The following ETAA1 variants were observed in gnomAD, a reference collection of about 807,000 sequenced individuals.
ETAA1 encodes the protein ETAA1 activator of ATR kinase.
A neutral mutation model predicts 76.8 loss-of-function variants in ETAA1; 49 were observed. That is an observed-to-expected ratio of 0.64 (90% CI 0.51 to 0.81). ETAA1 has a LOEUF of 0.81. ETAA1 is among the 30% of genes least tolerant of loss of function. The pLI is 0.00. For synonymous variants in ETAA1, 373 were observed against 372.2 expected (o/e 1.00, Z -0.03); for missense variants, 1,099 against 1,074.0 (o/e 1.02, Z -0.32).
Position 67,410,353 on chromosome 2 carries a change from C to T in ETAA1, c.*315C>T, listed in dbSNP as rs554664053. On this transcript the variant is annotated 3_prime_UTR_variant, in exon 6 of 6. Coordinates refer to ENST00000272342, the MANE Select transcript of ETAA1 (RefSeq NM_019002.4). Reference sequence around the variant, plus strand: ...GGATCATCAAAAAAGAGGTAATCTACGTTATTTCCTATTCTAATGTCTTTT... The same window carrying T: ...GGATCATCAAAAAAGAGGTAATCTATGTTATTTCCTATTCTAATGTCTTTT... 7.2e-5 allele frequency: 14 copies of T among 193,602 alleles called. No individual in the cohort carries two copies. The highest frequency in any genetic ancestry group is 1.0e-4 in the Non-Finnish European group (10 of 96,060). 12.0% of individuals were successfully genotyped at this position (193,602 alleles called of 1,614,324 possible).
Position 67,402,938 on chromosome 2 carries a change from CA to C in ETAA1, c.510del (p.Gly171GlufsTer12). The C allele has an allele frequency of 6.2e-7, 1 of 1,606,182 alleles. No homozygotes were observed. Among genetic ancestry groups the C allele is most frequent in the Non-Finnish European group, 8.5e-7 (1 of 1,176,248 alleles). On this transcript the variant is annotated frameshift_variant, in exon 4 of 6. Transcript: ENST00000272342. LOFTEE classifies it high-confidence loss of function. ...ETAIPCTPSVAKGKSRAKISC... is the reference protein window; with the variant it reads ...ETAIPCTPSVXKGKSRAKISC... ...GCTATTCCTTGTACTCCCAGTGTAG[CA>C]AAAGGAAAATCAAGAGCAAAAATCA...
chr2:67,409,062 T>C (rs1676295291), intron 5 of ETAA1, among the ~76,000 whole-genome samples: 1 of 152,064 alleles, frequency 6.6e-6, no homozygotes, highest in Non-Finnish European at 1.5e-5. Flanking sequence ...CCCCCTCCCA[T>C]TTCTGATTAT....
chr2:67,397,358 G>A lies in ETAA1; in HGVS notation c.-91G>A. The A allele has an allele frequency of 7.5e-7, 1 of 1,341,914 alleles. No homozygotes were observed. Among genetic ancestry groups the A allele is most frequent in the Non-Finnish European group, 1.0e-6 (1 of 959,094 alleles). 83.1% of individuals were successfully genotyped at this position (1,341,914 alleles called of 1,614,324 possible). A position where few individuals can be genotyped will look rare whatever the true frequency, so the allele number is the denominator to read the frequency against. The stretch of plus-strand genomic sequence containing the variant: ...ACCGACCAAAATGGCGGCTGCCGTT[G>A]GTGCGGGGTGCGGTTTGTAGTGCTG... On this transcript the variant is annotated 5_prime_UTR_variant, in exon 1 of 6. Transcript: ENST00000272342.
rs1436576820 is a variant in ETAA1, at chr2:67,399,293, G to C, written c.348G>C (p.Gln116His). 1.2e-6 allele frequency: 2 copies of C among 1,604,438 alleles called. No individual in the cohort carries two copies. The highest frequency in any genetic ancestry group is 2.7e-5 in the African/African-American group (2 of 74,546). The change falls in exon 2 of 6, where the codon CAG (glutamine) becomes CAC (histidine). Residue 116 changes from glutamine to histidine, a missense_variant. By Grantham distance (24) the Gln-to-His change is conservative. This residue lies in a region of ETAA1 where 761 missense variants were observed against 731.9 expected (regional missense o/e 1.04). Coordinates refer to ENST00000272342, the MANE Select transcript of ETAA1 (RefSeq NM_019002.4). ...ATCAGAATTCTCCATTGACAAAGCA[G>C]TTAGGTAATTAATTATTAACATTTT... ...FWDQNSPLTK[Q>H]LGKGRKKQIY...
At position 67,410,290 on chromosome 2, in the gene ETAA1, A is replaced by G; in HGVS notation, c.*252A>G. On this transcript the variant is annotated 3_prime_UTR_variant, in exon 6 of 6. Transcript: ENST00000272342. ...GCAATTATGTACGGATATTATACAG[A>G]GGAAAGTAGTTATATTTTTAAATGC... The G allele has an allele frequency of 3.1e-6, 1 of 324,238 alleles. No individual in the cohort carries two copies. Among genetic ancestry groups the G allele is most frequent in the Non-Finnish European group, 5.5e-6 (1 of 180,222 alleles). 20.1% of individuals were successfully genotyped at this position (324,238 alleles called of 1,614,324 possible).
At chr2:67,402,097 G>T (rs1676073717) in intron 3 of ETAA1, 1 of 151,750 alleles carries the variant, frequency 6.6e-6, no homozygotes, top group Non-Finnish European at 1.5e-5. Context: ...AGTGAAAATG[G>T]TTACTTGATT....
chr2:67,402,700 T>A (rs1676088601), intron 3 of ETAA1, 162 bp from the exon 4 acceptor site: 1 of 350,432 alleles, frequency 2.9e-6, no homozygotes, highest in African/African-American at 2.1e-5. Context: ...ATCTCCCAAC[T>A]TCCTATTGTT....
chr2:67,398,056 C>T (rs1017259372), intron 1 of ETAA1, among the ~76,000 whole-genome samples: 3 of 151,998 alleles, frequency 2.0e-5, no homozygotes, highest in East Asian at 1.9e-4. Flanking sequence ...CCCTTTTTTT[C>T]CCTGTGACCT....
At position 67,410,810 on chromosome 2, in the gene ETAA1, G is replaced by A. The variant is rs1488231211; in HGVS notation, c.*772G>A. 1.3e-5 allele frequency: 2 copies of A among 152,048 alleles called. No individual in the cohort carries two copies. Among genetic ancestry groups the A allele is most frequent in the South Asian group, 4.1e-4 (2 of 4,828 alleles). The allele number at this position is 152,048 out of a possible 1,614,324, so 9.4% of individuals were successfully genotyped here. ...TCAAAGTCATAGGCAAGTTAATGCTGTGCTACAATTAGAATGATTTATTTG... is the reference window on the plus strand; with the variant it reads ...TCAAAGTCATAGGCAAGTTAATGCTATGCTACAATTAGAATGATTTATTTG... On this transcript the variant is annotated 3_prime_UTR_variant, in exon 6 of 6. Coordinates refer to ENST00000272342, the MANE Select transcript of ETAA1 (RefSeq NM_019002.4).
chr2:67,405,974 T>C (rs1014839886), intron 5 of ETAA1, among the ~76,000 whole-genome samples: 13 of 152,128 alleles, frequency 8.5e-5, no homozygotes, highest in Admixed American at 2.0e-4. Flanking sequence ...AGTTAACATT[T>C]CTTGATGAGA....
chr2:67,399,559 GA>G lies in ETAA1; in HGVS notation c.369del (p.Lys123AsnfsTer46), dbSNP rs1298232483. On this transcript the variant is annotated frameshift_variant, in exon 3 of 6. Coordinates refer to ENST00000272342, the MANE Select transcript of ETAA1 (RefSeq NM_019002.4). LOFTEE classifies it high-confidence loss of function. ...SPLTKQLGKG[R>X]KKQIYTTDSD... is the part of the protein sequence containing the mutation. Reference sequence around the variant, plus strand: ...GTCTTTGTTTCTTTAGGTAAAGGAAGAAAAAAACAGATTTACACCACAGATA... The same window carrying G: ...GTCTTTGTTTCTTTAGGTAAAGGAAGAAAAAACAGATTTACACCACAGATA... 3 of 1,601,452 alleles carry G rather than the reference GA, an allele frequency of 1.9e-6. No individual in the cohort carries two copies. Among genetic ancestry groups the G allele is most frequent in the East Asian group, 4.5e-5 (2 of 44,620 alleles).
intron 1 of ETAA1, among the ~76,000 whole-genome samples, chr2:67,398,154 CTGTG>C (rs1207476912): frequency 6.6e-6 from 1 of 152,146 alleles, no homozygotes; most frequent in Non-Finnish European, 1.5e-5. Context: ...CCGGAAGTTC[CTGTG>C]TGTAACATCC....
Position 67,405,229 on chromosome 2 carries a change from T to G in ETAA1, c.2547T>G (p.Ile849Met). Residue 849 changes from isoleucine to methionine, a missense_variant, in exon 5 of 6, where the codon ATT becomes ATG. Physicochemically the swap from Ile to Met is conservative, Grantham distance 10 (BLOSUM62 1). This residue lies in a region of ETAA1 where 302 missense variants were observed against 278.1 expected (regional missense o/e 1.09). Coordinates refer to ENST00000272342, the MANE Select transcript of ETAA1 (RefSeq NM_019002.4). ...CTGGAAGTATGTCTGATACCAAAAT[T>G]ACACAGGGTGTGGAGAAAAAGAAAG... ...CITGSMSDTK[I>M]TQGVEKKKGV... The G allele has an allele frequency of 6.2e-7, 1 of 1,612,424 alleles. No homozygotes were observed. Among genetic ancestry groups the G allele is most frequent in the Non-Finnish European group, 8.5e-7 (1 of 1,179,084 alleles).
intron 1 of ETAA1, 123 bp downstream of exon 1, chr2:67,397,794 C>A: frequency 2.0e-6 from 2 of 983,398 alleles, no homozygotes; most frequent in Non-Finnish European, 3.0e-6. Context: ...TGGGATTCAC[C>A]CCTCGAGAGT....
chr2:67,399,387 A>T, intron 2 of ETAA1, 90 bp downstream of exon 2: 3 of 1,261,146 alleles, frequency 2.4e-6, no homozygotes, highest in Non-Finnish European at 3.4e-6. Flanking sequence ...TAGCATCGGG[A>T]ACCTCTGAGA....
chr2:67,404,193 C>G lies in ETAA1; in HGVS notation c.1511C>G (p.Thr504Arg), dbSNP rs1676138124. The G allele has an allele frequency of 6.2e-7, 1 of 1,609,748 alleles. No homozygotes were observed. Among genetic ancestry groups the G allele is most frequent in the Non-Finnish European group, 8.5e-7 (1 of 1,178,180 alleles). The stretch of plus-strand genomic sequence containing the variant: ...AATTGTATAGTTACATCTAATCTGA[C>G]AAAAATAAAGGAAGATATTCTTACT... ...IQNCIVTSNL[T>R]KIKEDILTNS... is the part of the protein sequence containing the mutation. Residue 504 changes from threonine (T) to arginine (R), a missense_variant, in exon 5 of 6, where the codon ACA (threonine) becomes AGA (arginine). Coordinates refer to ENST00000272342, the MANE Select transcript of ETAA1 (RefSeq NM_019002.4).
In ETAA1 at chr2:67,399,185, A is replaced by G. The variant is rs368069429; in HGVS notation, c.240A>G (p.Pro80=). The change falls in exon 2 of 6, where the codon CCA becomes CCG. Residue 80 remains proline (P), a synonymous_variant. Transcript: ENST00000272342. ...TTTATATAGAAAGGTATGAAACACC[A>G]AAGAGAGCGCTGAAAATGGACTCAC... ...KSNPEERYET[P]KRALKMDSLS... 9 of 1,612,674 alleles carry G rather than the reference A, an allele frequency of 5.6e-6. No homozygotes were observed. Among genetic ancestry groups the G allele is most frequent in the African/African-American group, 1.3e-5 (1 of 74,884 alleles).
rs767503518 is a variant in ETAA1 at position 67,403,786 on chromosome 2, T to C, written c.1104T>C (p.Asn368=). 6 of 1,613,234 alleles carry C rather than the reference T, an allele frequency of 3.7e-6. No homozygotes were observed. The South Asian group carries it at 4.4e-5, about 12-fold the overall frequency. The change falls in exon 5 of 6, where the codon AAT becomes AAC. Residue 368 remains asparagine, a synonymous_variant. Transcript: ENST00000272342. The stretch of plus-strand genomic sequence containing the variant: ...GTACTAAGGAGCCAGAAACTTCTAA[T>C]AAGTACATTGATGCATTTACTACAA... ...TSCTKEPETS[N]KYIDAFTTSD...
In ETAA1 at chr2:67,403,216, G is replaced by C; in HGVS notation, c.543-9G>C. 1 of 1,499,170 alleles carries C rather than the reference G, an allele frequency of 6.7e-7. No individual in the cohort carries two copies. Among genetic ancestry groups the C allele is most frequent in the Non-Finnish European group, 9.0e-7 (1 of 1,113,544 alleles). 92.9% of individuals were successfully genotyped at this position (1,499,170 alleles called of 1,614,324 possible). On this transcript the variant is annotated splice_polypyrimidine_tract_variant and intron_variant, in intron 4 of 5. Transcript: ENST00000272342. ...ACATTTTTAGTTATTTTTTAATCTT[G>C]TTTAATAGGTTAAAAACACAAAGTC...
Sources: gnomAD v4.1 joint callset for allele counts (sites outside exome capture counted in the v4.1 genomes callset) on GRCh38, gnomAD v4.1.1 for gene constraint, gnomAD v4.1.1 regional missense constraint, MANE v1.5 for transcripts, NCBI Gene and HGNC (gene_info 2026-07-23, HGNC 2026-07-21) for gene names.